FREM1: variants seen among roughly 807,000 people sequenced by gnomAD.
FREM1 encodes FRAS1-related extracellular matrix protein 1.
In FREM1, 220 loss-of-function variants were observed where a neutral mutation model predicts 210.1. The ratio of observed to expected loss-of-function variants is 1.05; its 90% CI spans 0.94 to 1.17. The LOEUF is 1.17. FREM1 is among the 50% of genes most tolerant of loss of function. The pLI is 0.00. For missense variants in FREM1, 3,454 were observed against 2,675.5 expected (o/e 1.29, Z -6.42); for synonymous variants, 1,189 against 980.2 (o/e 1.21, Z -3.98).
intron 35 of FREM1, among the ~76,000 whole-genome samples, chr9:14,744,059 G>C (rs1240433180): frequency 6.6e-6 from 1 of 151,878 alleles, no homozygotes; most frequent in Non-Finnish European, 1.5e-5. Context: ...ATTATTATTT[G>C]TAAAAATTTT....
intron 25 of FREM1, among the ~76,000 whole-genome samples, chr9:14,773,471 C>G (rs1045560030): frequency 9.2e-5 from 14 of 152,198 alleles, no homozygotes; most frequent in Non-Finnish European, 1.6e-4. Flanking sequence ...CACTGAGTGT[C>G]ATCTCTCCTA....
intron 2 of FREM1, among the ~76,000 whole-genome samples, chr9:14,866,994 G>C (rs1184195558): frequency 1.3e-5 from 2 of 148,292 alleles, no homozygotes. Flanking sequence ...CGAGTAGCTA[G>C]GCTTACAGGT....
intron 8 of FREM1, among the ~76,000 whole-genome samples, chr9:14,844,320 G>T (rs1826218718): frequency 6.6e-6 from 1 of 151,872 alleles, no homozygotes; most frequent in African/African-American, 2.4e-5. Flanking sequence ...CCACCTCCCG[G>T]GTTCAAACGA....
At chr9:14,864,766 T>G (rs1831209714) in intron 2 of FREM1, among the ~76,000 whole-genome samples, 1 of 152,208 alleles carries the variant, frequency 6.6e-6, no homozygotes, top group Non-Finnish European at 1.5e-5. Flanking sequence ...GTGTTTCGTC[T>G]GTACCTTTTC....
At chr9:14,807,094 A>G (rs1342310899) in intron 17 of FREM1, among the ~76,000 whole-genome samples, 1 of 152,260 alleles carries the variant, frequency 6.6e-6, no homozygotes, top group Non-Finnish European at 1.5e-5. Context: ...AGAAGATAAC[A>G]GAAAGCCAGC....
At chr9:14,794,922 T>C (rs1045991949) in intron 21 of FREM1, among the ~76,000 whole-genome samples, 2 of 147,640 alleles carry the variant, frequency 1.4e-5, no homozygotes, top group African/African-American at 5.0e-5. Context: ...GGTGTGAACC[T>C]GGGAGACAGA....
At chr9:14,738,336 C>A (rs1374577754) in intron 36 of FREM1, among the ~76,000 whole-genome samples, 1 of 151,606 alleles carries the variant, frequency 6.6e-6, no homozygotes, top group African/African-American at 2.4e-5. Flanking sequence ...CAAATTTGAC[C>A]ATGAAAACAG....
At chr9:14,787,343 T>A (rs530179560) in intron 23 of FREM1, among the ~76,000 whole-genome samples, 1 of 151,996 alleles carries the variant, frequency 6.6e-6, no homozygotes, top group Non-Finnish European at 1.5e-5. Flanking sequence ...GAAGAAAAAA[T>A]TTGAACTGAA....
chr9:14,753,190 G>C (rs746110034), intron 29 of FREM1, among the ~76,000 whole-genome samples: 10 of 152,254 alleles, frequency 6.6e-5, no homozygotes, highest in Non-Finnish European at 1.3e-4. Flanking sequence ...AGGTGCTGAA[G>C]AGAAAACAGA....
chr9:14,829,095 C>T (rs1370961829), intron 10 of FREM1, among the ~76,000 whole-genome samples: 2 of 152,134 alleles, frequency 1.3e-5, no homozygotes, highest in Non-Finnish European at 2.9e-5. Context: ...GTCTCTGTAT[C>T]TCCACAACAT....
At chr9:14,746,604 A>T (rs769498729) in intron 34 of FREM1, 136 bp from the exon 35 acceptor site, 2 of 675,142 alleles carry the variant, frequency 3.0e-6, no homozygotes, top group Non-Finnish European at 5.1e-6. Context: ...CCTAATCCCA[A>T]TTCTCCATCT....
chr9:14,825,547 G>GTATATATATATATA (rs372128983), intron 10 of FREM1, among the ~76,000 whole-genome samples: 1 of 75,896 alleles, frequency 1.3e-5, no homozygotes, highest in Non-Finnish European at 2.5e-5. Context: ...GTGTGTGTGT[G>GTATATATATATATA]TATATATATA....
At chr9:14,861,322 C>CACAT (rs1323415135) in intron 3 of FREM1, among the ~76,000 whole-genome samples, 2 of 107,190 alleles carry the variant, frequency 1.9e-5, no homozygotes, top group African/African-American at 1.1e-4. Context: ...CATATATACA[C>CACAT]ATATATACAT....
chr9:14,824,384 T>C (rs1314257516), intron 11 of FREM1, among the ~76,000 whole-genome samples: 2 of 152,210 alleles, frequency 1.3e-5, no homozygotes, highest in Non-Finnish European at 2.9e-5. Flanking sequence ...GGTTTCTTGC[T>C]CTCATGCATA....
chr9:14,867,666 C>T (rs548174712), intron 2 of FREM1, among the ~76,000 whole-genome samples: 84 of 152,290 alleles, frequency 5.5e-4, no homozygotes, highest in African/African-American at 2.0e-3. Context: ...CCTAGTACCA[C>T]TTTTCAATAA....
chr9:14,762,588 A>G (rs1030287482), intron 27 of FREM1, among the ~76,000 whole-genome samples: 13 of 152,196 alleles, frequency 8.5e-5, no homozygotes, highest in Admixed American at 8.5e-4. Flanking sequence ...CAAGGTGGTC[A>G]TTACACAATG....
chr9:14,843,494 G>C (rs1476672233), intron 8 of FREM1, among the ~76,000 whole-genome samples: 1 of 87,086 alleles, frequency 1.1e-5, no homozygotes, highest in Non-Finnish European at 2.3e-5. Context: ...CTCATAGATA[G>C]ATAGGTAGGT....
intron 10 of FREM1, among the ~76,000 whole-genome samples, chr9:14,825,547 G>A (rs60278331): frequency 4.0e-5 from 3 of 75,906 alleles, no homozygotes; most frequent in African/African-American, 5.6e-5. Context: ...GTGTGTGTGT[G>A]TATATATATA....
At position 14,842,540 on chromosome 9, in the gene FREM1, C is replaced by G. The variant is rs1484414582; in HGVS notation, c.1514G>C (p.Ser505Thr). The change falls in exon 9 of 37, where the codon AGC (serine) becomes ACC (threonine). Residue 505 changes from serine (S) to threonine (T), a missense_variant. Coordinates refer to ENST00000380880, the MANE Select transcript of FREM1 (RefSeq NM_001379081.2). ...GTTGATGGGGAATTTGTGACGGATGCTGTGATGGCCATCAAATATCCGGAA... is the reference window on the plus strand; with the variant it reads ...GTTGATGGGGAATTTGTGACGGATGGTGTGATGGCCATCAAATATCCGGAA... ...VVFRIFDGHH[S>T]IRHKFPINVL... 1.2e-6 allele frequency: 2 copies of G among 1,613,904 alleles called. No individual in the cohort carries two copies. Among genetic ancestry groups the G allele is most frequent in the Non-Finnish European group, 1.7e-6 (2 of 1,179,778 alleles).
Sources: allele counts gnomAD v4.1 joint callset (sites outside exome capture counted in the v4.1 genomes callset), GRCh38; gene constraint gnomAD v4.1.1; transcripts MANE v1.5; gene names NCBI Gene and HGNC (gene_info 2026-07-23, HGNC 2026-07-21).